The following F13A1 variants were observed in gnomAD, a reference collection of about 807,000 sequenced individuals.
The protein encoded by F13A1 is coagulation factor XIII A chain, also known as FSF, A subunit.
F13A1 carries 47 observed loss-of-function variants against 80.1 expected under a neutral mutation model. The observed-to-expected ratio is 0.59, with a 90% CI of 0.46 to 0.75. F13A1 has a LOEUF of 0.75. Ranked by LOEUF, F13A1 falls within the 30% of genes least tolerant of loss-of-function variation. The pLI, the probability that F13A1 is intolerant of heterozygous loss-of-function variation, is 0.00. For synonymous variants in F13A1, 349 were observed against 344.9 expected, an observed-to-expected ratio of 1.01 and a Z score of -0.13; for missense variants, 817 against 930.4, an observed-to-expected ratio of 0.88 and a Z score of 1.59.
At chr6:6,191,070 A>G (rs1432850310) in intron 10 of F13A1, among the ~76,000 whole-genome samples, 54 of 151,810 alleles carry the variant, frequency 3.6e-4, no homozygotes, top group African/African-American at 1.2e-3. Flanking sequence ...GCAATGCCTC[A>G]CCCTGCTTTG....
chr6:6,311,507 AT>A (rs1223335074), intron 2 of F13A1, among the ~76,000 whole-genome samples: 1 of 127,944 alleles, frequency 7.8e-6, no homozygotes, highest in African/African-American at 3.1e-5. Context: ...GCCTTTGAGA[AT>A]AGAAAACCTA....
At chr6:6,147,542 C>T (rs1191519643) in intron 14 of F13A1, among the ~76,000 whole-genome samples, 1 of 152,176 alleles carries the variant, frequency 6.6e-6, no homozygotes, top group Non-Finnish European at 1.5e-5. Context: ...ATTTATTTCT[C>T]AACAGCTGTG....
chr6:6,199,212 G>A lies in F13A1; in HGVS notation c.1113-1886C>T, dbSNP rs183923141. Among the ~76,000 whole-genome samples, 43 of 152,264 alleles carry A rather than the reference G, an allele frequency of 2.8e-4. No individual in the cohort carries two copies. In the East Asian group the frequency reaches 5.0e-3, roughly 18 times the overall value. ...CCCTATAAGAACAGTACTATTGGTC[G>A]GGCGCAGTGGCTCACGCCTGTAATC... On this transcript the variant is annotated intron_variant, in intron 8 of 14. Transcript: ENST00000264870.
chr6:6,292,056 GCACTTTC>G (rs1758230992), intron 3 of F13A1, among the ~76,000 whole-genome samples: 2 of 152,176 alleles, frequency 1.3e-5, no homozygotes, highest in Admixed American at 6.5e-5. Flanking sequence ...TGAGGTCCCA[GCACTTTC>G]CAGGTGTGAC....
intron 1 of F13A1, 31 bp from the exon 2 acceptor site, chr6:6,318,713 GA>G: frequency 6.3e-7 from 1 of 1,584,914 alleles, no homozygotes. Context: ...GAAGACAACA[GA>G]AAAGGCATGT....
At chr6:6,209,192 G>T (rs994432929) in intron 8 of F13A1, among the ~76,000 whole-genome samples, 1 of 151,874 alleles carries the variant, frequency 6.6e-6, no homozygotes, top group Non-Finnish European at 1.5e-5. Flanking sequence ...TAACCATTTT[G>T]CCAAAGAAGA....
chr6:6,163,110 C>T (rs953399109), intron 13 of F13A1, among the ~76,000 whole-genome samples: 1 of 152,236 alleles, frequency 6.6e-6, no homozygotes, highest in African/African-American at 2.4e-5. Flanking sequence ...GGGCTGTGGT[C>T]TCCTCTCTGT....
At chr6:6,260,973 T>C (rs1265937448) in intron 4 of F13A1, among the ~76,000 whole-genome samples, 1 of 152,142 alleles carries the variant, frequency 6.6e-6, no homozygotes, top group Non-Finnish European at 1.5e-5. Context: ...TTGTTTGTTT[T>C]GTTTTTGTTT....
At chr6:6,313,620 A>T (rs1376148290) in intron 2 of F13A1, among the ~76,000 whole-genome samples, 1 of 151,972 alleles carries the variant, frequency 6.6e-6, no homozygotes, top group Non-Finnish European at 1.5e-5. Flanking sequence ...TCTCCATGCA[A>T]TTTTTGGTAA....
Position 6,174,773 on chromosome 6 carries a change from G to A in F13A1, c.1554C>T (p.Asn518=), listed in dbSNP as rs371668009. ...TTTCCACTTCAAAGTCCATGTCAACGTTGGACCTTGATTTCATGACACCTT... is the reference window on the plus strand; with the variant it reads ...TTTCCACTTCAAAGTCCATGTCAACATTGGACCTTGATTTCATGACACCTT... ...NTEGVMKSRS[N]VDMDFEVENA... Residue 518 remains asparagine, a synonymous_variant, in exon 12 of 15, where the codon AAC becomes AAT. Coordinates refer to ENST00000264870, the MANE Select transcript of F13A1 (RefSeq NM_000129.4). The A allele has an allele frequency of 1.4e-5, 22 of 1,614,178 alleles. No homozygotes were observed. The highest frequency in any genetic ancestry group is 3.3e-5 in the Admixed American group (2 of 60,030).
intron 2 of F13A1, among the ~76,000 whole-genome samples, chr6:6,316,181 A>G (rs1267580770): frequency 1.6e-5 from 2 of 122,140 alleles, no homozygotes; most frequent in East Asian, 5.3e-4. Flanking sequence ...ACTTGCTGTC[A>G]TGATTCTGGG....
intron 3 of F13A1, among the ~76,000 whole-genome samples, chr6:6,269,289 G>C (rs1439176560): frequency 6.6e-6 from 1 of 152,082 alleles, no homozygotes; most frequent in East Asian, 1.9e-4. Flanking sequence ...CTTAATAATT[G>C]GTAGTTATCA....
At chr6:6,282,437 A>G (rs1758079605) in intron 3 of F13A1, among the ~76,000 whole-genome samples, 1 of 152,236 alleles carries the variant, frequency 6.6e-6, no homozygotes, top group Non-Finnish European at 1.5e-5. Context: ...GGATTCATCC[A>G]GGTATTAATC....
intron 2 of F13A1, among the ~76,000 whole-genome samples, chr6:6,308,567 T>C (rs543478531): frequency 3.7e-4 from 56 of 151,690 alleles, no homozygotes; most frequent in Non-Finnish European, 6.6e-4. Flanking sequence ...TGTTGATTTA[T>C]ATTATGCATC....
At position 6,144,592 on chromosome 6, in the gene F13A1, T is replaced by G. The variant is rs1220704781; in HGVS notation, c.*1027A>C. On this transcript the variant is annotated 3_prime_UTR_variant, in exon 15 of 15. Transcript: ENST00000264870. ...TTGCAAGGCTGAGTCCATATTACCC[T>G]TCAGCACCTGAGTGCCAAGCTGAGG... 1.3e-5 allele frequency: 2 copies of G among 152,224 alleles called. No individual in the cohort carries two copies. The highest frequency in any genetic ancestry group is 2.9e-5 in the Non-Finnish European group (2 of 68,066). The allele number at this position is 152,224 out of a possible 1,614,324, so 9.4% of individuals were successfully genotyped here.
At chr6:6,308,737 C>A (rs2113189873) in intron 2 of F13A1, among the ~76,000 whole-genome samples, 1 of 150,464 alleles carries the variant, frequency 6.6e-6, no homozygotes, top group East Asian at 2.0e-4. Flanking sequence ...CTCAGCCTCT[C>A]AAGTTGCTAA....
intron 3 of F13A1, among the ~76,000 whole-genome samples, chr6:6,293,581 A>G (rs1049548891): frequency 2.6e-5 from 4 of 151,908 alleles, no homozygotes; most frequent in Admixed American, 2.6e-4. Flanking sequence ...TTATCAAAGC[A>G]CAAAGAACCC....
intron 14 of F13A1, 85 bp from the exon 15 acceptor site, chr6:6,145,857 A>T: frequency 6.3e-7 from 1 of 1,583,024 alleles, no homozygotes; most frequent in Non-Finnish European, 8.7e-7. Context: ...TGCCTAAGTC[A>T]CTTGCTTTCT....
chr6:6,251,866 C>T (rs970940009), intron 4 of F13A1, among the ~76,000 whole-genome samples: 9 of 152,156 alleles, frequency 5.9e-5, no homozygotes, highest in Admixed American at 5.2e-4. Flanking sequence ...ACTGATAAAA[C>T]GTGAACCAGA....
Sources: gnomAD v4.1 joint callset for allele counts (sites outside exome capture counted in the v4.1 genomes callset) on GRCh38, gnomAD v4.1.1 for gene constraint, MANE v1.5 for transcripts, NCBI Gene and HGNC (gene_info 2026-07-23, HGNC 2026-07-21) for gene names.